Variants in UTRN observed in about 807,000 individuals in gnomAD.
UTRN encodes the protein utrophin.
A neutral mutation model predicts 463.9 loss-of-function variants in UTRN; 283 were observed. The observed-to-expected ratio is 0.61, with a 90% CI of 0.55 to 0.67. The LOEUF (loss-of-function observed/expected upper bound fraction) is 0.67, where lower values mean the gene tolerates loss of function less well. UTRN is among the 30% of genes least tolerant of loss of function. The pLI, the probability that UTRN is intolerant of heterozygous loss-of-function variation, is 0.00. For synonymous variants in UTRN, 1,442 were observed against 1,431.5 expected (o/e 1.01, Z -0.17); for missense variants, 3,922 against 4,084.3 (o/e 0.96, Z 1.08).
chr6:144,426,883 T>G (rs991296429), intron 7 of UTRN, among the ~76,000 whole-genome samples: 1 of 152,170 alleles, frequency 6.6e-6, no homozygotes, highest in Non-Finnish European at 1.5e-5. Context: ...AGATTCTAAT[T>G]ATATAAAAGA....
At chr6:144,835,636 A>G in intron 69 of UTRN, 144 bp from the exon 70 acceptor site, 1 of 1,002,032 alleles carries the variant, frequency 1.0e-6, no homozygotes. Context: ...CTAGAGTTTT[A>G]AAAGGGAGGT....
At chr6:144,709,697 A>G (rs1785470162) in intron 53 of UTRN, among the ~76,000 whole-genome samples, 1 of 152,238 alleles carries the variant, frequency 6.6e-6, no homozygotes, top group African/African-American at 2.4e-5. Flanking sequence ...AGAATATCAG[A>G]TGGAATTTTG....
At chr6:144,732,249 T>TATATAC (rs1562832628) in intron 54 of UTRN, among the ~76,000 whole-genome samples, 15 of 116,804 alleles carry the variant, frequency 1.3e-4, no homozygotes, top group African/African-American at 5.3e-4. Context: ...CATATATATA[T>TATATAC]ATATATATAC....
chr6:144,522,053 A>C lies in UTRN; in HGVS notation c.5615A>C (p.Tyr1872Ser). The C allele has an allele frequency of 6.3e-7, 1 of 1,595,426 alleles. No individual in the cohort carries two copies. The highest frequency in any genetic ancestry group is 8.5e-7 in the Non-Finnish European group (1 of 1,172,382). Residue 1872 changes from tyrosine (Y) to serine (S), a missense_variant, in exon 40 of 75, where the codon TAT (tyrosine) becomes TCT (serine). Transcript: ENST00000367545. ...GIRSSLLPTD[Y>S]LVEINKILLC... ...AGATCATCACTTCTTCCTACAGATT[A>C]TCTGGTTGAAATTAACAAAATTTTA...
chr6:144,635,514 CTTT>C (rs1402815648), intron 51 of UTRN, among the ~76,000 whole-genome samples: 3 of 80,030 alleles, frequency 3.7e-5, no homozygotes, highest in East Asian at 3.9e-4. Flanking sequence ...CTTTTTTTTT[CTTT>C]TTTTTTTTTT....
intron 51 of UTRN, chr6:144,660,057 C>A: frequency 2.8e-6 from 1 of 358,230 alleles, no homozygotes; most frequent in Non-Finnish European, 5.7e-6. Context: ...AATGTCCCAG[C>A]GCAAGCTGCC....
intron 9 of UTRN, among the ~76,000 whole-genome samples, chr6:144,430,386 C>T (rs969569190): frequency 5.3e-5 from 8 of 152,126 alleles, no homozygotes; most frequent in African/African-American, 1.4e-4. Flanking sequence ...TTAGTCTAGC[C>T]AGTCCTTGTA....
chr6:144,678,531 T>C lies in UTRN; in HGVS notation c.7605T>C (p.Asp2535=), dbSNP rs962606924. ...EATMLQHRLD[D]MNQRWNDLKA... ...CTATGCTTCAACATCGACTGGATGA[T>C]ATGAACCAAAGATGGAATGACTTAA... is the stretch of plus-strand genomic sequence containing the variant. The change falls in exon 52 of 75, where the codon GAT becomes GAC. Residue 2535 remains aspartate (D), a synonymous_variant. Transcript: ENST00000367545. The C allele has an allele frequency of 1.2e-6, 2 of 1,612,740 alleles. No homozygotes were observed. The highest frequency in any genetic ancestry group is 1.1e-5 in the South Asian group (1 of 90,968).
intron 34 of UTRN, among the ~76,000 whole-genome samples, chr6:144,504,150 G>T (rs2128586748): frequency 6.6e-6 from 1 of 152,232 alleles, no homozygotes; most frequent in East Asian, 1.9e-4. Flanking sequence ...TGAGACTGTG[G>T]GGTTTTCTAA....
chr6:144,699,516 A>G (rs1586089126), intron 52 of UTRN, among the ~76,000 whole-genome samples: 1 of 102,646 alleles, frequency 9.7e-6, no homozygotes, highest in Non-Finnish European at 1.8e-5. Flanking sequence ...GAAAAATACT[A>G]TGAGTCTGTT....
At chr6:144,372,577 C>T (rs1200281894) in intron 2 of UTRN, among the ~76,000 whole-genome samples, 4 of 150,462 alleles carry the variant, frequency 2.7e-5, no homozygotes, top group African/African-American at 9.8e-5. Flanking sequence ...TCACTGCAAC[C>T]TCTGCCTCCC....
rs1345996653 is a variant in UTRN at position 144,473,764 on chromosome 6, C to G, written c.3111C>G (p.Asp1037Glu). 6.2e-7 allele frequency: 1 copy of G among 1,613,996 alleles called. No homozygotes were observed. Among genetic ancestry groups the G allele is most frequent in the Non-Finnish European group, 8.5e-7 (1 of 1,180,032 alleles). Residue 1037 changes from aspartate (D) to glutamate (E), a missense_variant, in exon 24 of 75, where the codon GAC becomes GAG. Asp to Glu is a conservative substitution (Grantham distance 45). Around this residue, in one of 3 missense-constraint regions of UTRN, gnomAD observed 2,349 missense variants for 2,303.8 expected, o/e 1.02. Coordinates refer to ENST00000367545, the MANE Select transcript of UTRN (RefSeq NM_007124.3). ...AGAAGTGGATGGATGGCGTGAAAGACTTCTTAATGAAACAGCAGGCTGCCC... is the reference window on the plus strand; with the variant it reads ...AGAAGTGGATGGATGGCGTGAAAGAGTTCTTAATGAAACAGCAGGCTGCCC... Reference protein sequence around the residue: ...VIEKWMDGVKDFLMKQQAAQG... With the variant: ...VIEKWMDGVKEFLMKQQAAQG...
intron 62 of UTRN, among the ~76,000 whole-genome samples, chr6:144,791,527 C>T (rs1562916325): frequency 6.6e-6 from 1 of 150,574 alleles, no homozygotes; most frequent in African/African-American, 2.4e-5. Flanking sequence ...GAGCCATGGT[C>T]GGACCACCAC....
chr6:144,521,077 A>C (rs1240682312), intron 39 of UTRN, among the ~76,000 whole-genome samples: 1 of 152,008 alleles, frequency 6.6e-6, no homozygotes, highest in Non-Finnish European at 1.5e-5. Flanking sequence ...CTTGAGGTTA[A>C]GAGTTCGAGG....
intron 23 of UTRN, among the ~76,000 whole-genome samples, chr6:144,473,399 T>C (rs1255135846): frequency 6.6e-6 from 1 of 152,256 alleles, no homozygotes. Context: ...AAATATTTTA[T>C]AGCTGATAAA....
At chr6:144,604,540 T>C (rs9497015) in intron 51 of UTRN, among the ~76,000 whole-genome samples, 18,486 of 152,184 alleles carry the variant, frequency 0.12, 2,835 homozygotes, top group African/African-American at 0.36. Context: ...GAAGAAGTTG[T>C]CTTTTTCTGT....
At chr6:144,480,078 T>G (rs1022151185) in intron 26 of UTRN, 96 bp downstream of exon 26, 1 of 1,367,396 alleles carries the variant, frequency 7.3e-7, no homozygotes, top group African/African-American at 1.5e-5. Context: ...AAACACTATG[T>G]GCATGTAGCA....
intron 2 of UTRN, among the ~76,000 whole-genome samples, chr6:144,350,430 A>G (rs1212127133): frequency 6.6e-6 from 1 of 152,176 alleles, no homozygotes; most frequent in Non-Finnish European, 1.5e-5. Context: ...TTTTGAACCA[A>G]AATTGAAACC....
intron 50 of UTRN, among the ~76,000 whole-genome samples, chr6:144,572,322 T>G (rs2128622475): frequency 6.6e-6 from 1 of 152,220 alleles, no homozygotes; most frequent in Middle Eastern, 3.4e-3. Context: ...TCTAGGAGCT[T>G]CTTGAAAAAT....
Sources: allele counts gnomAD v4.1 joint callset (sites outside exome capture counted in the v4.1 genomes callset), GRCh38; gene constraint gnomAD v4.1.1; regional missense constraint gnomAD v4.1.1; transcripts MANE v1.5; gene names NCBI Gene and HGNC (gene_info 2026-07-23, HGNC 2026-07-21).